The following SATB1 variants were observed in gnomAD, a reference collection of about 807,000 sequenced individuals.
SATB1 encodes the protein SATB homeobox 1, also known as DNA-binding protein SATB1.
In SATB1, 11 loss-of-function variants were observed where a neutral mutation model predicts 86.9. The observed-to-expected ratio is 0.13, with a 90% CI of 0.08 to 0.21. The LOEUF (loss-of-function observed/expected upper bound fraction) is 0.21, where lower values mean the gene tolerates loss of function less well. Ranked by LOEUF, SATB1 falls within the 10% of genes least tolerant of loss-of-function variation. SATB1 has a pLI of 1.00. For synonymous variants in SATB1, 357 were observed against 357.2 expected (o/e 1.00, Z 0.01); for missense variants, 551 against 937.6 (o/e 0.59, Z 5.39).
intron 5 of SATB1, among the ~76,000 whole-genome samples, chr3:18,404,012 T>C (rs1697397860): frequency 1.3e-5 from 2 of 152,078 alleles, no homozygotes; most frequent in Admixed American, 1.3e-4. Flanking sequence ...CACATTCAAA[T>C]ACAATTTTCA....
At position 18,416,917 on chromosome 3, in the gene SATB1, C is replaced by T. The variant is rs890096996; in HGVS notation, c.373G>A (p.Ala125Thr). The T allele has an allele frequency of 6.2e-7, 1 of 1,610,238 alleles. No homozygotes were observed. The highest frequency in any genetic ancestry group is 8.5e-7 in the Non-Finnish European group (1 of 1,178,408). The change falls in exon 3 of 11, where the codon GCT becomes ACT. Residue 125 changes from alanine (A) to threonine (T), a missense_variant. By Grantham distance (58) the Ala-to-Thr change is moderately conservative. This residue lies in a region of SATB1 where 153 missense variants were observed against 258.1 expected (regional missense o/e 0.59). Coordinates refer to ENST00000338745, the MANE Select transcript of SATB1 (RefSeq NM_002971.6). ...LLSLGYSHSSAAQAKGLIQVG... is the reference protein window; with the variant it reads ...LLSLGYSHSSTAQAKGLIQVG... Reference sequence around the variant, plus strand: ...CATTATTTACCTTTGGCCTGGGCAGCAGAGCTATGTGAATAACCTAGAGAC... The same window carrying T: ...CATTATTTACCTTTGGCCTGGGCAGTAGAGCTATGTGAATAACCTAGAGAC...
rs114090854 is a variant in SATB1 at position 18,360,142 on chromosome 3, T to A, written c.1576-7947A>T. Reference sequence around the variant, plus strand: ...TGTCATCACACAGAGTTGATGTGATTCCTACAAAAAAGCACATTAATCTGA... The same window carrying A: ...TGTCATCACACAGAGTTGATGTGATACCTACAAAAAAGCACATTAATCTGA... On this transcript the variant is annotated intron_variant, in intron 9 of 10. Coordinates refer to ENST00000338745, the MANE Select transcript of SATB1 (RefSeq NM_002971.6). Among the ~76,000 whole-genome samples the A allele has an allele frequency of 5.9e-3, 900 of 152,232 alleles. 5 individuals are homozygous for A. Among genetic ancestry groups the A allele is most frequent in the African/African-American group, 0.02 (828 of 41,552 alleles).
At chr3:18,378,410 C>T (rs1338042666) in intron 8 of SATB1, 85 bp from the exon 9 acceptor site, 1 of 1,303,254 alleles carries the variant, frequency 7.7e-7, no homozygotes, top group Non-Finnish European at 1.1e-6. Flanking sequence ...AAACTGGACA[C>T]TGTTGTTCCT....
chr3:18,365,116 G>A (rs1348750436), intron 9 of SATB1, among the ~76,000 whole-genome samples: 1 of 152,080 alleles, frequency 6.6e-6, no homozygotes, highest in Non-Finnish European at 1.5e-5. Flanking sequence ...TTAAATGATG[G>A]TTCTACAGCT....
At chr3:18,402,397 C>T (rs1194902082) in intron 5 of SATB1, among the ~76,000 whole-genome samples, 2 of 152,110 alleles carry the variant, frequency 1.3e-5, no homozygotes, top group African/African-American at 4.8e-5. Context: ...TAAACCAAAA[C>T]TGTTCATGCT....
intron 9 of SATB1, among the ~76,000 whole-genome samples, chr3:18,359,519 G>C (rs901188381): frequency 2.6e-5 from 4 of 151,848 alleles, no homozygotes; most frequent in Non-Finnish European, 1.5e-5. Flanking sequence ...CATTAGATTT[G>C]GAAAATACCT....
intron 5 of SATB1, among the ~76,000 whole-genome samples, chr3:18,411,615 CTCT>C (rs1295929330): frequency 1.3e-5 from 2 of 151,916 alleles, no homozygotes; most frequent in African/African-American, 4.8e-5. Flanking sequence ...ACTACAGGCT[CTCT>C]TGTCCCCAAA....
At chr3:18,365,595 T>A (rs1440967739) in intron 9 of SATB1, among the ~76,000 whole-genome samples, 1 of 152,126 alleles carries the variant, frequency 6.6e-6, no homozygotes, top group Non-Finnish European at 1.5e-5. Context: ...TGCCTTGTCC[T>A]CCAGTCTAAC....
At chr3:18,360,420 A>T (rs1694851865) in intron 9 of SATB1, among the ~76,000 whole-genome samples, 1 of 152,066 alleles carries the variant, frequency 6.6e-6, no homozygotes, top group African/African-American at 2.4e-5. Flanking sequence ...AATGACACTG[A>T]TGTCCAAATC....
intron 7 of SATB1, among the ~76,000 whole-genome samples, chr3:18,391,072 C>G (rs866797427): frequency 6.6e-4 from 100 of 151,854 alleles, no homozygotes; most frequent in Middle Eastern, 6.8e-3. Context: ...TTCCTTAAAA[C>G]AAGTAACTAT....
At position 18,349,008 on chromosome 3, in the gene SATB1, C is replaced by T. The variant is rs904666910; in HGVS notation, c.*162G>A. 8.8e-7 allele frequency: 1 copy of T among 1,139,514 alleles called. No individual in the cohort carries two copies. The allele number at this position is 1,139,514 out of a possible 1,614,324, so 70.6% of individuals were successfully genotyped here. A position where few individuals can be genotyped will look rare whatever the true frequency, so the allele number is the denominator to read the frequency against. On this transcript the variant is annotated 3_prime_UTR_variant, in exon 11 of 11. Transcript: ENST00000338745. This position sits in a 1 kb window ranked among gnomAD's most constrained non-coding sequence, Gnocchi z 5.5. ...GTAAAACAGAGGAAAACATTTAGTG[C>T]AGTCTGTATTATCCTTTTCCAACTT...
At chr3:18,416,254 A>C in intron 3 of SATB1, 121 bp from the exon 4 acceptor site, 1 of 664,910 alleles carries the variant, frequency 1.5e-6, no homozygotes, top group South Asian at 3.5e-5. Flanking sequence ...TTTCTGTTTG[A>C]ATGATTCCCT....
chr3:18,352,281 T>A lies in SATB1; in HGVS notation c.1576-86A>T, dbSNP rs190017875. 8.5e-7 allele frequency: 1 copy of A among 1,179,540 alleles called. No individual in the cohort carries two copies. Among genetic ancestry groups the A allele is most frequent in the South Asian group, 1.3e-5 (1 of 74,874 alleles). The allele number at this position is 1,179,540 out of a possible 1,614,324, so 73.1% of individuals were successfully genotyped here. A position where few individuals can be genotyped will look rare whatever the true frequency, so the allele number is the denominator to read the frequency against. The stretch of plus-strand genomic sequence containing the variant: ...TAGGAGCTAAAAAGGAAAAACCCTA[T>A]GAATTAACTTTTTCATAAGCTCAGA... On this transcript the variant is annotated intron_variant, in intron 9 of 10. Transcript: ENST00000338745. The surrounding 1 kb of genome is among the most constrained non-coding windows in gnomAD (Gnocchi z 4.1).
chr3:18,409,503 T>G (rs898202344), intron 5 of SATB1: 1 of 152,096 alleles, frequency 6.6e-6, no homozygotes, highest in Non-Finnish European at 1.5e-5. Context: ...TTATTTGATG[T>G]AAGTTTTGCA....
At chr3:18,419,195 C>T (rs909295520) in intron 2 of SATB1, among the ~76,000 whole-genome samples, 1 of 152,152 alleles carries the variant, frequency 6.6e-6, no homozygotes, top group African/African-American at 2.4e-5. Flanking sequence ...TACAGACCTT[C>T]TAGCAAACTG....
intron 5 of SATB1, among the ~76,000 whole-genome samples, chr3:18,406,185 T>G (rs1486724789): frequency 6.6e-6 from 1 of 151,994 alleles, no homozygotes; most frequent in Non-Finnish European, 1.5e-5. Context: ...TGCAGCTCTC[T>G]CTAAATTCAG....
At position 18,386,627 on chromosome 3, in the gene SATB1, G is replaced by A. The variant is rs1696357361; in HGVS notation, c.1207-16C>T. 6.2e-7 allele frequency: 1 copy of A among 1,609,300 alleles called. No homozygotes were observed. The highest frequency in any genetic ancestry group is 2.2e-5 in the East Asian group (1 of 44,858). ...AAAGCAAGCCCTGCAAGAAATGAAAGGCACAGGGTGAGCCTGCTGCCTTGC... is the reference window on the plus strand; with the variant it reads ...AAAGCAAGCCCTGCAAGAAATGAAAAGCACAGGGTGAGCCTGCTGCCTTGC... On this transcript the variant is annotated splice_polypyrimidine_tract_variant and intron_variant, in intron 7 of 10. Transcript: ENST00000338745. This position sits in a 1 kb window ranked among gnomAD's most constrained non-coding sequence, Gnocchi z 4.5.
intron 2 of SATB1, 82 bp from the exon 3 acceptor site, chr3:18,417,160 G>T: frequency 7.2e-7 from 1 of 1,388,532 alleles, no homozygotes. Flanking sequence ...GGAAATATTA[G>T]CCATGAAAAT....
intron 10 of SATB1, 139 bp downstream of exon 10, chr3:18,351,853 G>A (rs962536980): frequency 1.3e-6 from 1 of 741,926 alleles, no homozygotes; most frequent in Admixed American, 2.4e-5. Flanking sequence ...ATCCCCCTGA[G>A]CAAGATGGCA....
Sources: gnomAD v4.1 joint callset for allele counts (sites outside exome capture counted in the v4.1 genomes callset) on GRCh38, gnomAD v4.1.1 for gene constraint, gnomAD v4.1.1 regional missense constraint, Gnocchi (gnomAD v3.1) non-coding constraint, MANE v1.5 for transcripts, NCBI Gene and HGNC (gene_info 2026-07-23, HGNC 2026-07-21) for gene names.